Variants in CDC5L observed in about 807,000 individuals in gnomAD.
The protein encoded by CDC5L is cell division cycle 5 like, also known as cell division cycle 5-like protein.
CDC5L carries 18 observed loss-of-function variants against 104.1 expected under a neutral mutation model. That is an observed-to-expected ratio of 0.17 (90% CI 0.12 to 0.26). The LOEUF is 0.26. Among genes scored for constraint, CDC5L ranks in the 10% least tolerant of loss-of-function variants. CDC5L has a pLI of 1.00. For missense variants in CDC5L, 673 were observed against 956.9 expected (o/e 0.70, Z 3.91); for synonymous variants, 331 against 322.7 (o/e 1.03, Z -0.28).
At chr6:44,417,224 C>T (rs537845536) in intron 8 of CDC5L, among the ~76,000 whole-genome samples, 125 of 152,088 alleles carry the variant, frequency 8.2e-4, no homozygotes, top group Admixed American at 2.4e-3. Flanking sequence ...CTTTCCATGT[C>T]TGGTGGTTGA....
chr6:44,424,545 T>A lies in CDC5L; in HGVS notation c.1531T>A (p.Tyr511Asn), dbSNP rs1367932403. 6.2e-7 allele frequency: 1 copy of A among 1,613,976 alleles called. No individual in the cohort carries two copies. The highest frequency in any genetic ancestry group is 1.7e-5 in the Admixed American group (1 of 59,988). ...GGAAGAACGTGAAATAGATGATACT[T>A]ACATTGAAGATGCTGCTGATGTGGA... ...ELEEREIDDTYIEDAADVDAR... is the reference protein window; with the variant it reads ...ELEEREIDDTNIEDAADVDAR... The change falls in exon 11 of 16, where the codon TAC becomes AAC. Residue 511 changes from tyrosine to asparagine, a missense_variant. This residue lies in a region of CDC5L where 578 missense variants were observed against 737.0 expected (regional missense o/e 0.78). Transcript: ENST00000371477.
chr6:44,417,013 T>A (rs1301721614), intron 8 of CDC5L, among the ~76,000 whole-genome samples: 1 of 152,220 alleles, frequency 6.6e-6, no homozygotes, highest in Non-Finnish European at 1.5e-5. Context: ...TAAGTCTTGC[T>A]CTGGTTATTT....
intron 6 of CDC5L, among the ~76,000 whole-genome samples, chr6:44,404,490 C>G (rs891681508): frequency 6.6e-6 from 1 of 152,090 alleles, no homozygotes; most frequent in Non-Finnish European, 1.5e-5. Context: ...TTAATGGATT[C>G]ATCTTTCTGA....
chr6:44,389,770 C>T (rs1790508634), intron 1 of CDC5L, among the ~76,000 whole-genome samples: 1 of 152,122 alleles, frequency 6.6e-6, no homozygotes, highest in Non-Finnish European at 1.5e-5. Context: ...AGAGTCCCAA[C>T]TTGCTTCTTG....
intron 1 of CDC5L, among the ~76,000 whole-genome samples, chr6:44,388,387 T>C (rs892499555): frequency 6.6e-6 from 1 of 152,130 alleles, no homozygotes; most frequent in African/African-American, 2.4e-5. Flanking sequence ...TTATCTGTTA[T>C]CAGGGCATAA....
At chr6:44,405,650 A>G (rs1293656875) in intron 6 of CDC5L, among the ~76,000 whole-genome samples, 9 of 152,198 alleles carry the variant, frequency 5.9e-5, no homozygotes, top group African/African-American at 1.2e-4. Flanking sequence ...TCCTTTTTAC[A>G]TACTTGTCAT....
rs541349804 is a variant in CDC5L at position 44,443,864 on chromosome 6, G to A, written c.2092-1791G>A. Among the ~76,000 whole-genome samples, 3 of 136,854 alleles carry A rather than the reference G, an allele frequency of 2.2e-5. No homozygotes were observed. In the East Asian group the frequency reaches 6.4e-4, roughly 29 times the overall value. The allele number at this position is 136,854 out of a possible 152,430, so 89.8% of individuals were successfully genotyped here. A position where few individuals can be genotyped will look rare whatever the true frequency, so the allele number is the denominator to read the frequency against. On this transcript the variant is annotated intron_variant, in intron 14 of 15. Transcript: ENST00000371477. ...TTTATTTTGTTGCTTTTTTTTTTTT[G>A]GAATATATTTTCCTATTTCTTAATT...
intron 4 of CDC5L, 67 bp downstream of exon 4, chr6:44,393,640 G>A: frequency 4.1e-6 from 6 of 1,480,910 alleles, no homozygotes; most frequent in Non-Finnish European, 4.6e-6. Flanking sequence ...CACTCTTTTA[G>A]TTCCTTTCTG....
intron 14 of CDC5L, among the ~76,000 whole-genome samples, chr6:44,439,249 T>A (rs1261910222): frequency 6.6e-6 from 1 of 152,212 alleles, no homozygotes. Context: ...ATTTATCCAT[T>A]TATCAGTTGA....
At position 44,442,375 on chromosome 6, in the gene CDC5L, T is replaced by TTGTGTGTG. The variant is rs149528659; in HGVS notation, c.2092-3252_2092-3245dup. 3.7e-3 allele frequency among the ~76,000 whole-genome samples: 536 copies of TTGTGTGTG among 145,102 alleles called. 6 individuals carry two copies. The highest frequency in any genetic ancestry group is 0.014 in the Middle Eastern group (4 of 284). On this transcript the variant is annotated intron_variant, in intron 14 of 15. Coordinates refer to ENST00000371477, the MANE Select transcript of CDC5L (RefSeq NM_001253.4). ...TCTCTTGCTTGTGTGTGTGTGTATG[T>TTGTGTGTG]TGTGTGTGTGTGTGTGTGTGTGTGT...
intron 1 of CDC5L, 30 bp downstream of exon 1, chr6:44,387,898 C>G: frequency 3.9e-6 from 6 of 1,552,886 alleles, no homozygotes; most frequent in Non-Finnish European, 5.2e-6. Context: ...CGTCCGCTGC[C>G]CGCCGCTCCC....
Position 44,408,600 on chromosome 6 carries a change from C to T in CDC5L, c.1060C>T (p.Arg354Ter), listed in dbSNP as rs148664123. The T allele has an allele frequency of 1.9e-6, 3 of 1,607,298 alleles. No individual in the cohort carries two copies. Among genetic ancestry groups the T allele is most frequent in the Non-Finnish European group, 2.6e-6 (3 of 1,175,408 alleles). ...TNNSVALRTP[R>*]TPASQDRILQ... The stretch of plus-strand genomic sequence containing the variant: ...CAACAGCGTTGCTCTTAGAACACCA[C>T]GAACACCAGCTTCCCAGGACAGAAT... The change falls in exon 8 of 16, where the codon CGA (arginine) becomes TGA (stop). Residue 354 changes from arginine (R) to a stop codon, truncating the protein, a stop_gained. Coordinates refer to ENST00000371477, the MANE Select transcript of CDC5L (RefSeq NM_001253.4). LOFTEE classifies it high-confidence loss of function.
rs565473298 is a variant in CDC5L at position 44,399,935 on chromosome 6, C to G, written c.539+3495C>G. On this transcript the variant is annotated intron_variant, in intron 5 of 15. Transcript: ENST00000371477. The stretch of plus-strand genomic sequence containing the variant: ...CAAAGTGCTGGGATTACAGTGTGAG[C>G]CACCACACCTGGCTACTTTATTTTT... 2.6e-5 allele frequency among the ~76,000 whole-genome samples: 4 copies of G among 152,176 alleles called. No individual in the cohort carries two copies. In the South Asian group the frequency reaches 8.3e-4, roughly 32 times the overall value.
chr6:44,391,007 TATATATTATATATTAAA>T (rs1790579282), intron 2 of CDC5L, among the ~76,000 whole-genome samples: 2 of 115,450 alleles, frequency 1.7e-5, no homozygotes, highest in South Asian at 3.0e-4. Context: ...TTTAATATGT[TATATATTATATATTAAA>T]CATATTTAAT....
intron 14 of CDC5L, among the ~76,000 whole-genome samples, chr6:44,436,068 G>A (rs1043264034): frequency 4.6e-5 from 7 of 152,072 alleles, no homozygotes; most frequent in Non-Finnish European, 8.8e-5. Context: ...GTGAGCCACC[G>A]TGCCCAGCCG....
Position 44,429,695 on chromosome 6 carries a change from AATT to A in CDC5L, c.1894-11_1894-9del. On this transcript the variant is annotated splice_polypyrimidine_tract_variant and intron_variant, in intron 13 of 15. Coordinates refer to ENST00000371477, the MANE Select transcript of CDC5L (RefSeq NM_001253.4). ...TGTTTGTAGTACTTAAACTTATTGA[AATT>A]ATTATTGTAAACAGGCCCAGGATGT... is the stretch of plus-strand genomic sequence containing the variant. The A allele has an allele frequency of 6.2e-7, 1 of 1,608,968 alleles. No homozygotes were observed. The highest frequency in any genetic ancestry group is 8.5e-7 in the Non-Finnish European group (1 of 1,175,804).
chr6:44,403,577 A>T (rs1791230666), intron 5 of CDC5L, among the ~76,000 whole-genome samples: 1 of 152,150 alleles, frequency 6.6e-6, no homozygotes. Context: ...TCCAGAGATA[A>T]GATATGTATT....
intron 1 of CDC5L, among the ~76,000 whole-genome samples, chr6:44,388,362 C>T (rs1455302147): frequency 3.3e-5 from 5 of 152,024 alleles, no homozygotes; most frequent in Non-Finnish European, 7.4e-5. Context: ...CCCGTTTATG[C>T]CCGCATCTCT....
chr6:44,441,435 C>G (rs189540034), intron 14 of CDC5L, among the ~76,000 whole-genome samples: 1 of 152,338 alleles, frequency 6.6e-6, no homozygotes, highest in East Asian at 1.9e-4. Context: ...GCAGACATCT[C>G]TTTGACATAC....
Sources: gnomAD v4.1 joint callset for allele counts (sites outside exome capture counted in the v4.1 genomes callset) on GRCh38, gnomAD v4.1.1 for gene constraint, gnomAD v4.1.1 regional missense constraint, MANE v1.5 for transcripts, NCBI Gene and HGNC (gene_info 2026-07-23, HGNC 2026-07-21) for gene names.